Variants in DGKB observed in about 807,000 individuals in gnomAD.
The protein encoded by DGKB is diacylglycerol kinase beta, also known as 90 kDa diacylglycerol kinase.
DGKB carries 67 observed loss-of-function variants against 114.3 expected under a neutral mutation model. The ratio of observed to expected loss-of-function variants is 0.59; its 90% CI spans 0.48 to 0.72. The LOEUF is 0.72. DGKB is among the 30% of genes least tolerant of loss of function. The pLI is 0.00. For synonymous variants in DGKB, 398 were observed against 323.1 expected (o/e 1.23, Z -2.49); for missense variants, 907 against 975.2 (o/e 0.93, Z 0.93).
intron 20 of DGKB, among the ~76,000 whole-genome samples, chr7:14,504,630 C>A (rs142004335): frequency 6.6e-6 from 1 of 152,068 alleles, no homozygotes; most frequent in Non-Finnish European, 1.5e-5. Context: ...AATGAATGTT[C>A]TGAAGCAAGT....
intron 2 of DGKB, among the ~76,000 whole-genome samples, chr7:14,778,967 C>A (rs1366478444): frequency 6.6e-6 from 1 of 152,048 alleles, no homozygotes; most frequent in Non-Finnish European, 1.5e-5. Context: ...ATCAACCTGG[C>A]CAACATGGTG....
At chr7:14,157,016 A>G (rs571665271) in intron 25 of DGKB, among the ~76,000 whole-genome samples, 8 of 152,230 alleles carry the variant, frequency 5.3e-5, no homozygotes, top group Non-Finnish European at 7.4e-5. Flanking sequence ...ATTTTTTCCT[A>G]TTAAATATTC....
chr7:14,734,049 T>TGTG (rs1831333151), intron 5 of DGKB, among the ~76,000 whole-genome samples: 1 of 139,576 alleles, frequency 7.2e-6, no homozygotes, highest in Non-Finnish European at 1.6e-5. Flanking sequence ...GTGTGTGTGG[T>TGTG]GTGTGAAATG....
intron 1 of DGKB, among the ~76,000 whole-genome samples, chr7:14,910,551 G>A (rs1251439081): frequency 6.6e-6 from 1 of 152,030 alleles, no homozygotes; most frequent in East Asian, 1.9e-4. Flanking sequence ...TAAGATATAT[G>A]ATCAACAAAT....
At chr7:14,415,420 C>A (rs1359753727) in intron 21 of DGKB, among the ~76,000 whole-genome samples, 4 of 151,224 alleles carry the variant, frequency 2.6e-5, no homozygotes, top group Non-Finnish European at 4.4e-5. Flanking sequence ...TCCCTCCCCA[C>A]TCCCCCCACC....
At chr7:14,689,181 G>T (rs1275322121) in intron 9 of DGKB, among the ~76,000 whole-genome samples, 1 of 136,236 alleles carries the variant, frequency 7.3e-6, no homozygotes, top group Non-Finnish European at 1.6e-5. Context: ...TTATGACAAT[G>T]TGACAGAAAC....
intron 13 of DGKB, among the ~76,000 whole-genome samples, chr7:14,637,741 C>G (rs1811016385): frequency 6.6e-6 from 1 of 151,738 alleles, no homozygotes; most frequent in Non-Finnish European, 1.5e-5. Context: ...TTCCACTCTG[C>G]TAAGCAAATG....
intron 8 of DGKB, among the ~76,000 whole-genome samples, 152 bp downstream of exon 8, chr7:14,697,941 AAC>A (rs1317367035): frequency 6.7e-6 from 1 of 150,126 alleles, no homozygotes; most frequent in African/African-American, 2.5e-5. Flanking sequence ...GAGGGAGAGA[AAC>A]AGAAAGGGAG....
chr7:14,820,467 G>A (rs1844772891), intron 2 of DGKB, among the ~76,000 whole-genome samples: 1 of 152,048 alleles, frequency 6.6e-6, no homozygotes, highest in South Asian at 2.1e-4. Flanking sequence ...TTATTACAGT[G>A]CATGCAACAA....
intron 20 of DGKB, among the ~76,000 whole-genome samples, chr7:14,516,993 G>C (rs1166946623): frequency 3.3e-5 from 5 of 151,982 alleles, no homozygotes; most frequent in African/African-American, 1.2e-4. Context: ...AACCTTAATA[G>C]TCAAGTTGAT....
intron 8 of DGKB, among the ~76,000 whole-genome samples, chr7:14,695,184 G>T (rs1823602316): frequency 6.6e-6 from 1 of 152,158 alleles, no homozygotes. Flanking sequence ...TATTGTATTT[G>T]AAAATTAGAT....
In DGKB at chr7:14,643,762, T is replaced by C. The variant is rs796244424; in HGVS notation, c.1135-13494A>G. ...TAGCAGTGGGGCCACCACATGTCCATGTGCAATGTCAATAACCTGCAAACC... is the reference window on the plus strand; with the variant it reads ...TAGCAGTGGGGCCACCACATGTCCACGTGCAATGTCAATAACCTGCAAACC... On this transcript the variant is annotated intron_variant, in intron 13 of 25. Coordinates refer to ENST00000402815, the MANE Select transcript of DGKB (RefSeq NM_001350709.2). 7.2e-5 allele frequency among the ~76,000 whole-genome samples: 11 copies of C among 152,280 alleles called. No individual in the cohort carries two copies. In the East Asian group the frequency reaches 1.4e-3, roughly 19 times the overall value.
intron 1 of DGKB, among the ~76,000 whole-genome samples, chr7:14,852,487 C>CAAAAAAAAACAAACAAACAAAA (rs1554304221): frequency 4.7e-5 from 3 of 63,636 alleles, no homozygotes; most frequent in Non-Finnish European, 8.9e-5. Flanking sequence ...TAGTGAAAGT[C>CAAAAAAAAACAAACAAACAAAA]AAAAAAAAAA....
intron 20 of DGKB, among the ~76,000 whole-genome samples, chr7:14,528,799 T>G (rs1791069270): frequency 6.6e-6 from 1 of 152,102 alleles, no homozygotes; most frequent in Non-Finnish European, 1.5e-5. Flanking sequence ...TTAGAATTTC[T>G]ATGGTTTCTC....
At position 14,149,209 on chromosome 7, in the gene DGKB, T is replaced by C. The variant is rs1781811529; in HGVS notation, c.2334A>G (p.Pro778=). ...TIKITHKNQA[P]MLMGPPPKTG... ...TTTTTGGAGGCGGGCCCATCAGCAT[T>C]GGGGCTTGGTTCTTGTGTGTAATTT... The change falls in exon 26 of 26, where the codon CCA becomes CCG. Residue 778 remains proline, a synonymous_variant. Transcript: ENST00000402815. 2 of 1,613,272 alleles carry C rather than the reference T, an allele frequency of 1.2e-6. No individual in the cohort carries two copies. Among genetic ancestry groups the C allele is most frequent in the South Asian group, 1.1e-5 (1 of 91,070 alleles).
chr7:14,258,522 G>C (rs1048439184), intron 23 of DGKB, among the ~76,000 whole-genome samples: 2 of 152,162 alleles, frequency 1.3e-5, no homozygotes. Context: ...TTGTCCTATA[G>C]CTTCCTTGCA....
intron 23 of DGKB, among the ~76,000 whole-genome samples, chr7:14,288,163 G>C (rs1584948596): frequency 1.5e-5 from 2 of 137,538 alleles, no homozygotes; most frequent in South Asian, 2.4e-4. Context: ...ATTATACTTT[G>C]AACTACCTGA....
intron 2 of DGKB, among the ~76,000 whole-genome samples, chr7:14,768,539 C>A (rs1191211160): frequency 6.8e-6 from 1 of 146,464 alleles, no homozygotes; most frequent in Non-Finnish European, 1.5e-5. Flanking sequence ...AATTTTCTAG[C>A]ACATCAAATT....
chr7:14,725,507 C>T (rs538978898), intron 5 of DGKB, among the ~76,000 whole-genome samples: 25 of 151,814 alleles, frequency 1.6e-4, no homozygotes, highest in African/African-American at 5.8e-4. Context: ...TTTCACTGTA[C>T]AGATATTGTT....
Sources: gnomAD v4.1 joint callset for allele counts (sites outside exome capture counted in the v4.1 genomes callset) on GRCh38, gnomAD v4.1.1 for gene constraint, MANE v1.5 for transcripts, NCBI Gene and HGNC (gene_info 2026-07-23, HGNC 2026-07-21) for gene names.